FAM178B: variants seen among roughly 807,000 people sequenced by gnomAD.
FAM178B encodes family with sequence similarity 178 member B.
A neutral mutation model predicts 91.7 loss-of-function variants in FAM178B; 82 were observed. The observed-to-expected ratio is 0.89, with a 90% CI of 0.75 to 1.07. The LOEUF is 1.07. Ranked by LOEUF, FAM178B falls within the 50% of genes least tolerant of loss-of-function variation. The pLI is 0.00. For missense variants in FAM178B, 769 were observed against 846.7 expected (o/e 0.91, Z 1.14); for synonymous variants, 368 against 359.4 (o/e 1.02, Z -0.27).
intron 14 of FAM178B, among the ~76,000 whole-genome samples, chr2:96,891,088 G>C (rs1018787723): frequency 6.6e-6 from 1 of 152,206 alleles, no homozygotes; most frequent in African/African-American, 2.4e-5. Flanking sequence ...TGCTCAGCTA[G>C]GACTGTGGTC....
chr2:96,881,308 C>A (rs2080377138), intron 14 of FAM178B, among the ~76,000 whole-genome samples: 1 of 151,654 alleles, frequency 6.6e-6, no homozygotes, highest in Admixed American at 6.6e-5. Flanking sequence ...AGCTGAGGCC[C>A]CTCTTTGAGA....
intron 6 of FAM178B, among the ~76,000 whole-genome samples, chr2:96,959,199 G>GAAAAA (rs57498168): frequency 2.4e-5 from 2 of 82,120 alleles, no homozygotes; most frequent in African/African-American, 3.2e-5. Flanking sequence ...ACTCAGTTTT[G>GAAAAA]AAAAAAAAAA....
chr2:96,972,238 C>A lies in FAM178B; in HGVS notation c.227G>T (p.Arg76Leu), dbSNP rs770825809. ...LSDHPLDQGP[R>L]CPARRPCSPA... ...GCTGCAGGGCCGCCGGGCAGGGCAG[C>A]GGGGCCCCTGGTCCAGGGGATGGTC... The change falls in exon 3 of 17, where the codon CGC becomes CTC. Residue 76 changes from arginine (R) to leucine (L), a missense_variant. By Grantham distance (102) the Arg-to-Leu change is moderately radical. Transcript: ENST00000490605. The A allele has an allele frequency of 3.8e-5, 58 of 1,525,248 alleles. No homozygotes were observed. The highest frequency in any genetic ancestry group is 4.8e-5 in the Non-Finnish European group (54 of 1,136,156). The allele number at this position is 1,525,248 out of a possible 1,614,324, so 94.5% of individuals were successfully genotyped here.
chr2:96,947,871 C>T lies in FAM178B; in HGVS notation c.1025G>A (p.Gly342Glu). 6.5e-7 allele frequency: 1 copy of T among 1,548,970 alleles called. No homozygotes were observed. The highest frequency in any genetic ancestry group is 8.7e-7 in the Non-Finnish European group (1 of 1,144,816). ...GAGATCCCACAGAAGACCAAAGGCT[C>T]CCAAAGATGTTTCTGGAGGCCATGT... ...LLTWPPETSL[G>E]AFGLLWDLIV... Residue 342 changes from glycine to glutamate, a missense_variant, in exon 8 of 17, where the codon GGA (glycine) becomes GAA (glutamate). Physicochemically the swap from Gly to Glu is moderately conservative, Grantham distance 98. Transcript: ENST00000490605.
chr2:96,951,478 C>A lies in FAM178B; in HGVS notation c.894G>T (p.Pro298=), dbSNP rs773401746. ...GCAGGAAGGAGAGCTGTTGGGCTGG[C>A]GGGGAGCTGGGAGGCAGAGGGCTGA... ...SHLEGLFLSS[P]PAQQLSFLRS... is the part of the protein sequence containing the mutation. The change falls in exon 7 of 17, where the codon CCG becomes CCT. Residue 298 remains proline (P), a synonymous_variant. Transcript: ENST00000490605. 2 of 1,550,472 alleles carry A rather than the reference C, an allele frequency of 1.3e-6. No individual in the cohort carries two copies. The highest frequency in any genetic ancestry group is 8.7e-7 in the Non-Finnish European group (1 of 1,146,634).
intron 12 of FAM178B, among the ~76,000 whole-genome samples, chr2:96,915,948 A>C (rs1245079671): frequency 2.0e-5 from 3 of 152,196 alleles, no homozygotes; most frequent in Non-Finnish European, 4.4e-5. Context: ...ATGGCTTCAA[A>C]GCCTTTTTTC....
Position 96,951,402 on chromosome 2 carries a change from A to G in FAM178B, c.970T>C (p.Ser324Pro). 6.4e-7 allele frequency: 1 copy of G among 1,551,436 alleles called. No homozygotes were observed. Among genetic ancestry groups the G allele is most frequent in the Non-Finnish European group, 8.7e-7 (1 of 1,146,810 alleles). ...ACCTGGAACAGCCACTGGAGCAGGG[A>G]TACCGGGCAGTCAGGCATGTGCAGG... ...LYLHMPDCPV[S>P]LLQWLFQLLT... The change falls in exon 7 of 17, where the codon TCC becomes CCC. Residue 324 changes from serine to proline, a missense_variant. Ser to Pro is a moderately conservative substitution (Grantham distance 74). Transcript: ENST00000490605.
intron 13 of FAM178B, among the ~76,000 whole-genome samples, chr2:96,901,728 G>A (rs2153369283): frequency 6.6e-6 from 1 of 152,266 alleles, no homozygotes; most frequent in Non-Finnish European, 1.5e-5. Context: ...GGATGGTGGT[G>A]ATGGCTGCAC....
At chr2:96,932,329 T>C (rs1277584017) in intron 8 of FAM178B, among the ~76,000 whole-genome samples, 1 of 152,178 alleles carries the variant, frequency 6.6e-6, no homozygotes, top group Non-Finnish European at 1.5e-5. Flanking sequence ...GGCCAAGGTG[T>C]CAGGAGCAGT....
chr2:96,882,406 C>T (rs1307470140), intron 14 of FAM178B, among the ~76,000 whole-genome samples: 6 of 152,198 alleles, frequency 3.9e-5, no homozygotes, highest in Non-Finnish European at 7.3e-5. Flanking sequence ...GGGGCAGGCA[C>T]GGGAGTGGTG....
intron 12 of FAM178B, among the ~76,000 whole-genome samples, chr2:96,912,902 G>A (rs971987157): frequency 1.4e-4 from 21 of 152,216 alleles, no homozygotes; most frequent in African/African-American, 4.1e-4. Flanking sequence ...TCTGAGCTCC[G>A]AAGAATCCAA....
chr2:96,940,917 C>A lies in FAM178B; in HGVS notation c.1078+6901G>T, dbSNP rs73959418. 3.5e-3 allele frequency among the ~76,000 whole-genome samples: 540 copies of A among 152,292 alleles called. 3 individuals carry two copies. Among genetic ancestry groups the A allele is most frequent in the East Asian group, 0.025 (128 of 5,176 alleles). On this transcript the variant is annotated intron_variant, in intron 8 of 16. Coordinates refer to ENST00000490605, the MANE Select transcript of FAM178B (RefSeq NM_001122646.3). ...TCATCCCACCTCCAGGACCCTCACT[C>A]GGCGGACCTGTGGTCTAGAAAGCCC...
chr2:96,967,583 T>A lies in FAM178B; in HGVS notation c.671A>T (p.Glu224Val). Residue 224 changes from glutamate (E) to valine (V), a missense_variant, in exon 5 of 17, where the codon GAG (glutamate) becomes GTG (valine). Glu to Val is a moderately radical substitution (Grantham distance 121, BLOSUM62 -2). Coordinates refer to ENST00000490605, the MANE Select transcript of FAM178B (RefSeq NM_001122646.3). ...ATCCAAGGAGTTGAGATTGAGACACTCCTGCAGAAGCAGCCTCTCTCGCTC... is the reference window on the plus strand; with the variant it reads ...ATCCAAGGAGTTGAGATTGAGACACACCTGCAGAAGCAGCCTCTCTCGCTC... Reference protein sequence around the residue: ...EQERERLLLQECLNLNSLDLD... With the variant: ...EQERERLLLQVCLNLNSLDLD... The A allele has an allele frequency of 6.4e-7, 1 of 1,550,636 alleles. No homozygotes were observed. The highest frequency in any genetic ancestry group is 8.7e-7 in the Non-Finnish European group (1 of 1,146,934).
chr2:96,902,720 C>A lies in FAM178B; in HGVS notation c.1563-13G>T. 1 of 1,544,984 alleles carries A rather than the reference C, an allele frequency of 6.5e-7. No homozygotes were observed. Among genetic ancestry groups the A allele is most frequent in the Non-Finnish European group, 8.8e-7 (1 of 1,141,830 alleles). ...GCTTCGAAGCCGCCTGGGGGAAAAG[C>A]GACAGCCTGAGAGAGGGTGTGCTGG... On this transcript the variant is annotated splice_polypyrimidine_tract_variant and intron_variant, in intron 12 of 16. Coordinates refer to ENST00000490605, the MANE Select transcript of FAM178B (RefSeq NM_001122646.3).
intron 13 of FAM178B, among the ~76,000 whole-genome samples, chr2:96,899,997 C>T (rs953965653): frequency 1.3e-5 from 2 of 151,856 alleles, no homozygotes; most frequent in African/African-American, 4.8e-5. Flanking sequence ...TCCCCTCTGC[C>T]ACTCTGACCT....
chr2:96,934,023 ATTAGCT>A (rs1026346025), intron 8 of FAM178B, among the ~76,000 whole-genome samples: 12 of 152,228 alleles, frequency 7.9e-5, no homozygotes, highest in Admixed American at 7.9e-4. Flanking sequence ...GCTTTAGTCA[ATTAGCT>A]TTAGCTTTAG....
chr2:96,921,935 G>A (rs1029113572), intron 10 of FAM178B, among the ~76,000 whole-genome samples: 1 of 152,110 alleles, frequency 6.6e-6, no homozygotes, highest in African/African-American at 2.4e-5. Context: ...TGCATTCCCA[G>A]GAGGTTAGGT....
intron 5 of FAM178B, among the ~76,000 whole-genome samples, chr2:96,961,819 A>G (rs2082085243): frequency 6.6e-6 from 1 of 152,098 alleles, no homozygotes; most frequent in Admixed American, 6.5e-5. Context: ...CCCACATCAC[A>G]GGGTGGTCCT....
At chr2:96,963,506 G>T (rs74976674) in intron 5 of FAM178B, among the ~76,000 whole-genome samples, 1 of 152,232 alleles carries the variant, frequency 6.6e-6, no homozygotes, top group Non-Finnish European at 1.5e-5. Flanking sequence ...GTCCATGTGG[G>T]ACGTCATGGC....
Sources: gnomAD v4.1 joint callset for allele counts (sites outside exome capture counted in the v4.1 genomes callset) on GRCh38, gnomAD v4.1.1 for gene constraint, MANE v1.5 for transcripts, NCBI Gene and HGNC (gene_info 2026-07-23, HGNC 2026-07-21) for gene names.